Variants in TMPRSS15 observed in about 807,000 individuals in gnomAD.
TMPRSS15 encodes enteropeptidase.
TMPRSS15 carries 128 observed loss-of-function variants against 125.3 expected under a neutral mutation model. The observed-to-expected ratio is 1.02, with a 90% CI of 0.89 to 1.18. The LOEUF (loss-of-function observed/expected upper bound fraction) is 1.18, where lower values mean the gene tolerates loss of function less well. Ranked by LOEUF, TMPRSS15 falls within the 50% of genes most tolerant of loss-of-function variation. TMPRSS15 has a pLI of 0.00. For missense variants in TMPRSS15, 1,283 were observed against 1,212.7 expected (o/e 1.06, Z -0.86); for synonymous variants, 446 against 423.2 (o/e 1.05, Z -0.66).
intron 21 of TMPRSS15, among the ~76,000 whole-genome samples, chr21:18,290,495 T>C (rs2074820788): frequency 6.6e-6 from 1 of 151,058 alleles, no homozygotes; most frequent in Admixed American, 6.6e-5. Flanking sequence ...AGGAGCAAGC[T>C]TGAGGGTTTT....
chr21:18,440,480 A>G (rs2076239029), intron 1 of TMPRSS15, among the ~76,000 whole-genome samples: 2 of 151,782 alleles, frequency 1.3e-5, no homozygotes, highest in Admixed American at 1.3e-4. Context: ...TAAATCTTAG[A>G]ACCTCCATTT....
intron 1 of TMPRSS15, among the ~76,000 whole-genome samples, chr21:18,441,120 C>G (rs1282402585): frequency 6.6e-6 from 1 of 151,104 alleles, no homozygotes; most frequent in Non-Finnish European, 1.5e-5. Flanking sequence ...TGATGAAATC[C>G]TGTTTCTACT....
chr21:18,355,370 C>T (rs2824764), intron 8 of TMPRSS15, among the ~76,000 whole-genome samples: 89,508 of 151,560 alleles, frequency 0.59, 26,904 homozygotes, highest in East Asian at 0.86. Context: ...TCTAATAGAA[C>T]TGTGCTAGTC....
At chr21:18,464,227 C>A (rs1978610980) in intron 1 of TMPRSS15, among the ~76,000 whole-genome samples, 1 of 135,842 alleles carries the variant, frequency 7.4e-6, no homozygotes. Context: ...AACAAAGACA[C>A]AATGTACCAG....
intron 1 of TMPRSS15, among the ~76,000 whole-genome samples, chr21:18,427,358 C>T (rs2076205001): frequency 1.5e-5 from 1 of 66,030 alleles, no homozygotes; most frequent in Non-Finnish European, 3.8e-5. Context: ...ATTTTCCATT[C>T]TCCTTGCCTT....
chr21:18,360,873 T>C lies in TMPRSS15; in HGVS notation c.774-1010A>G, dbSNP rs1482783858. On this transcript the variant is annotated intron_variant, in intron 7 of 24. Coordinates refer to ENST00000284885, the MANE Select transcript of TMPRSS15 (RefSeq NM_002772.3). ...GATCTGTACATCACTTTCGGTAGTATGAACATTTTAATTATGTTAAATTGT... is the reference window on the plus strand; with the variant it reads ...GATCTGTACATCACTTTCGGTAGTACGAACATTTTAATTATGTTAAATTGT... Among the ~76,000 whole-genome samples, 5 of 152,244 alleles carry C rather than the reference T, an allele frequency of 3.3e-5. No individual in the cohort carries two copies. In the East Asian group the frequency reaches 9.7e-4, roughly 29 times the overall value.
At chr21:18,448,340 T>C (rs1295970500) in intron 1 of TMPRSS15, among the ~76,000 whole-genome samples, 1 of 152,126 alleles carries the variant, frequency 6.6e-6, no homozygotes, top group Non-Finnish European at 1.5e-5. Context: ...GAATGCAGAC[T>C]CTGGAGTGAG....
At chr21:18,415,021 TTATC>T (rs1201350406) in intron 1 of TMPRSS15, among the ~76,000 whole-genome samples, 1 of 152,074 alleles carries the variant, frequency 6.6e-6, no homozygotes, top group African/African-American at 2.4e-5. Context: ...TTGCTAGCCC[TTATC>T]TGTTTTTTTT....
At chr21:18,436,261 G>A (rs2076227685) in intron 1 of TMPRSS15, among the ~76,000 whole-genome samples, 1 of 151,386 alleles carries the variant, frequency 6.6e-6, no homozygotes, top group Non-Finnish European at 1.5e-5. Context: ...TTTCTCTTGT[G>A]GGCATTTAGT....
At position 18,383,795 on chromosome 21, in the gene TMPRSS15, G is replaced by T. The variant is rs752033005; in HGVS notation, c.345-17C>A. On this transcript the variant is annotated splice_polypyrimidine_tract_variant and intron_variant, in intron 3 of 24. Coordinates refer to ENST00000284885, the MANE Select transcript of TMPRSS15 (RefSeq NM_002772.3). ...CTGCCATTTCTGCAAAGCAAAAGAG[G>T]ATATAAGAGGAAAAAGTCAGCCATC... 6.2e-7 allele frequency: 1 copy of T among 1,610,340 alleles called. No individual in the cohort carries two copies. The highest frequency in any genetic ancestry group is 8.5e-7 in the Non-Finnish European group (1 of 1,178,134).
chr21:18,277,197 T>A (rs895273369), intron 23 of TMPRSS15, among the ~76,000 whole-genome samples: 2 of 152,196 alleles, frequency 1.3e-5, no homozygotes, highest in Non-Finnish European at 2.9e-5. Flanking sequence ...GAAATTGATC[T>A]CAGATACAGT....
intron 3 of TMPRSS15, among the ~76,000 whole-genome samples, chr21:18,386,169 T>C (rs2123069211): frequency 6.6e-6 from 1 of 152,324 alleles, no homozygotes; most frequent in South Asian, 2.1e-4. Context: ...AATTACTCTA[T>C]TTTTGAAGCT....
rs757525993 is a variant in TMPRSS15 at position 18,313,078 on chromosome 21, C to T, written c.2033-1G>A. 6 of 1,611,158 alleles carry T rather than the reference C, an allele frequency of 3.7e-6. No individual in the cohort carries two copies. Among genetic ancestry groups the T allele is most frequent in the Admixed American group, 1.7e-5 (1 of 59,976 alleles). On this transcript the variant is annotated splice_acceptor_variant, in intron 17 of 24. Coordinates refer to ENST00000284885, the MANE Select transcript of TMPRSS15 (RefSeq NM_002772.3). LOFTEE classifies it high-confidence loss of function. ...TTCGTTGTGCCATTGAAAAAACGCA[C>T]TAAAGACACAGAGAGCATAATGGTA...
chr21:18,472,368 G>A (rs1376204773), intron 1 of TMPRSS15, among the ~76,000 whole-genome samples: 2 of 151,212 alleles, frequency 1.3e-5, no homozygotes, highest in Non-Finnish European at 2.9e-5. Flanking sequence ...TTAGCCTATG[G>A]GGTTCAATTC....
At chr21:18,386,477 T>G (rs958446154) in intron 3 of TMPRSS15, among the ~76,000 whole-genome samples, 13 of 152,152 alleles carry the variant, frequency 8.5e-5, no homozygotes, top group African/African-American at 3.1e-4. Flanking sequence ...TACAAATAGA[T>G]GAAAAAAACA....
intron 1 of TMPRSS15, among the ~76,000 whole-genome samples, chr21:18,475,029 G>C (rs1978851590): frequency 1.3e-5 from 2 of 152,174 alleles, no homozygotes; most frequent in Admixed American, 1.3e-4. Flanking sequence ...CCCCACTTCA[G>C]TATTCTCCCT....
intron 15 of TMPRSS15, 44 bp from the exon 16 acceptor site, chr21:18,326,616 G>C (rs778455710): frequency 1.7e-5 from 28 of 1,612,780 alleles, no homozygotes; most frequent in Non-Finnish European, 2.4e-5. Flanking sequence ...TGATCCTTTG[G>C]ATCTAGAAGG....
chr21:18,353,091 T>A, intron 9 of TMPRSS15, 39 bp from the exon 10 acceptor site: 2 of 1,574,794 alleles, frequency 1.3e-6, no homozygotes, highest in Non-Finnish European at 1.7e-6. Context: ...AAAAATTTAG[T>A]CCATAATGTG....
chr21:18,314,378 A>G (rs780836532), intron 17 of TMPRSS15, among the ~76,000 whole-genome samples: 1 of 152,146 alleles, frequency 6.6e-6, no homozygotes, highest in Non-Finnish European at 1.5e-5. Flanking sequence ...TCCCAGGTTC[A>G]AGCGATTCTC....
Sources: gnomAD v4.1 joint callset for allele counts (sites outside exome capture counted in the v4.1 genomes callset) on GRCh38, gnomAD v4.1.1 for gene constraint, MANE v1.5 for transcripts, NCBI Gene and HGNC (gene_info 2026-07-23, HGNC 2026-07-21) for gene names.